The following TTPAL variants were observed in gnomAD, a reference collection of about 807,000 sequenced individuals.
TTPAL encodes alpha-tocopherol transfer protein-like.
Under a neutral mutation model 28.7 loss-of-function variants are expected in TTPAL, and 21 were observed. The ratio of observed to expected loss-of-function variants is 0.73; its 90% CI spans 0.52 to 1.06. The LOEUF (loss-of-function observed/expected upper bound fraction) is 1.06. Among genes scored for constraint, TTPAL ranks in the 50% least tolerant of loss-of-function variants. TTPAL has a pLI of 0.00. For synonymous variants in TTPAL, 169 were observed against 171.9 expected, an observed-to-expected ratio of 0.98 and a Z score of 0.13; for missense variants, 345 against 425.5, an observed-to-expected ratio of 0.81 and a Z score of 1.67.
rs558851708 is a variant in TTPAL, at chr20:44,476,599, G to T, written c.-16+608G>T. On this transcript the variant is annotated intron_variant, in intron 1 of 4. Coordinates refer to ENST00000262605, the MANE Select transcript of TTPAL (RefSeq NM_001039199.3). Reference sequence around the variant, plus strand: ...AAGCCCTCTGCCCTCGTGGAACTTAGATTCTAGGGGACAGTCCTTTTTGTC... The same window carrying T: ...AAGCCCTCTGCCCTCGTGGAACTTATATTCTAGGGGACAGTCCTTTTTGTC... Among the ~76,000 whole-genome samples the T allele has an allele frequency of 6.6e-5, 10 of 152,352 alleles. No individual in the cohort carries two copies. The South Asian group carries it at 1.9e-3, about 28-fold the overall frequency.
At chr20:44,482,921 G>A (rs541088356) in intron 2 of TTPAL, among the ~76,000 whole-genome samples, 9 of 152,108 alleles carry the variant, frequency 5.9e-5, no homozygotes, top group African/African-American at 1.4e-4. Flanking sequence ...GCAGTGGCGC[G>A]ATCTCGGCTC....
chr20:44,484,122 C>A (rs538574837), intron 2 of TTPAL, among the ~76,000 whole-genome samples: 35 of 152,294 alleles, frequency 2.3e-4, no homozygotes, highest in Admixed American at 3.3e-4. Context: ...CCTCAACACT[C>A]AATTGTATTT....
intron 1 of TTPAL, among the ~76,000 whole-genome samples, chr20:44,477,710 A>T (rs1169283362): frequency 6.6e-6 from 1 of 152,172 alleles, no homozygotes; most frequent in South Asian, 2.1e-4. Flanking sequence ...GCTGGAGTGC[A>T]GTGACATGAT....
In TTPAL at chr20:44,490,042, C is replaced by T. The variant is rs949335936; in HGVS notation, c.*501C>T. ...CTAAGTATAGACCTCTGCTGCTCAT[C>T]AGGAAACTTACTGGAGATGAAGGCC... On this transcript the variant is annotated 3_prime_UTR_variant, in exon 5 of 5. Coordinates refer to ENST00000262605, the MANE Select transcript of TTPAL (RefSeq NM_001039199.3). The T allele has an allele frequency of 1.9e-5, 3 of 159,450 alleles. No individual in the cohort carries two copies. The highest frequency in any genetic ancestry group is 2.8e-5 in the Non-Finnish European group (2 of 71,836). The allele number at this position is 159,450 out of a possible 1,614,324, so 9.9% of individuals were successfully genotyped here.
At chr20:44,484,085 G>C (rs776811633) in intron 2 of TTPAL, among the ~76,000 whole-genome samples, 60 of 152,172 alleles carry the variant, frequency 3.9e-4, no homozygotes, top group Non-Finnish European at 6.2e-4. Flanking sequence ...ATGAGCCACT[G>C]TGCCCAGCCA....
At chr20:44,484,576 TC>T in intron 3 of TTPAL, 46 bp downstream of exon 3, 1 of 1,439,624 alleles carries the variant, frequency 6.9e-7, no homozygotes, top group South Asian at 1.4e-5. Flanking sequence ...GCTCTGGCTT[TC>T]CCCAGGGCCT....
chr20:44,477,257 T>C (rs2064052573), intron 1 of TTPAL, among the ~76,000 whole-genome samples: 1 of 152,188 alleles, frequency 6.6e-6, no homozygotes, highest in Non-Finnish European at 1.5e-5. Flanking sequence ...GTTACTTCCA[T>C]AGAAACAAAG....
intron 1 of TTPAL, 22 bp downstream of exon 1, chr20:44,476,013 C>T (rs1482448392): frequency 2.0e-5 from 3 of 152,380 alleles, no homozygotes; most frequent in Non-Finnish European, 4.4e-5. Context: ...CGAGCCCATC[C>T]GTGTGCCCTG....
intron 1 of TTPAL, among the ~76,000 whole-genome samples, chr20:44,476,959 A>G (rs1311337436): frequency 6.6e-6 from 1 of 152,206 alleles, no homozygotes. Flanking sequence ...TCTGTGGAAA[A>G]CTGGAGGGAA....
Position 44,489,598 on chromosome 20 carries a change from C to T in TTPAL, c.*57C>T. 6.5e-7 allele frequency: 1 copy of T among 1,528,888 alleles called. No homozygotes were observed. 94.7% of individuals were successfully genotyped at this position (1,528,888 alleles called of 1,614,324 possible). On this transcript the variant is annotated 3_prime_UTR_variant, in exon 5 of 5. Coordinates refer to ENST00000262605, the MANE Select transcript of TTPAL (RefSeq NM_001039199.3). ...TTTCCTTCTTTTCTTTGGAGAGGCA[C>T]AAGGAGAATTTAAGGGTCCATGGAT...
At chr20:44,488,083 G>A (rs534360969) in intron 4 of TTPAL, among the ~76,000 whole-genome samples, 14 of 152,274 alleles carry the variant, frequency 9.2e-5, no homozygotes, top group African/African-American at 3.4e-4. Flanking sequence ...CTTTTTCAAA[G>A]TAACATATAT....
chr20:44,489,255 C>G lies in TTPAL; in HGVS notation c.751-8C>G, dbSNP rs1482196129. ...GGACATGTGTGTTTTCATTTCATTC[C>G]CTTTTAGTTCTTCCTCCATGGGTCT... On this transcript the variant is annotated splice_polypyrimidine_tract_variant and splice_region_variant and intron_variant, in intron 4 of 4. Transcript: ENST00000262605. 3 of 1,607,502 alleles carry G rather than the reference C, an allele frequency of 1.9e-6. No homozygotes were observed. Among genetic ancestry groups the G allele is most frequent in the Non-Finnish European group, 2.6e-6 (3 of 1,174,874 alleles).
At position 44,480,086 on chromosome 20, in the gene TTPAL, G is replaced by A. The variant is rs758749980; in HGVS notation, c.87G>A (p.Pro29=). 8.7e-6 allele frequency: 14 copies of A among 1,614,152 alleles called. 1 individual carries two copies. The highest frequency in any genetic ancestry group is 3.3e-5 in the South Asian group (3 of 91,088). ...ENELPPPPEP[P]GYVCSLTEDL... ...AGCTGCCACCACCACCTGAGCCTCC[G>A]GGCTATGTGTGCTCACTGACAGAAG... Residue 29 remains proline (P), a synonymous_variant, in exon 2 of 5, where the codon CCG becomes CCA. Transcript: ENST00000262605. This position sits in a 1 kb window ranked among gnomAD's most constrained non-coding sequence, Gnocchi z 4.1.
chr20:44,488,028 G>A (rs973608398), intron 4 of TTPAL, among the ~76,000 whole-genome samples: 2 of 152,096 alleles, frequency 1.3e-5, no homozygotes, highest in Non-Finnish European at 2.9e-5. Context: ...CTTGGCCTCC[G>A]AAAGTGCTGG....
rs2064208476 is a variant in TTPAL at position 44,491,783 on chromosome 20, T to G, written c.*2242T>G. 6.6e-6 allele frequency: 1 copy of G among 152,292 alleles called. No individual in the cohort carries two copies. Among genetic ancestry groups the G allele is most frequent in the South Asian group, 2.1e-4 (1 of 4,822 alleles). The allele number at this position is 152,292 out of a possible 1,614,324, so 9.4% of individuals were successfully genotyped here. On this transcript the variant is annotated 3_prime_UTR_variant, in exon 5 of 5. Coordinates refer to ENST00000262605, the MANE Select transcript of TTPAL (RefSeq NM_001039199.3). ...CACTGGCCTGGATGGGAGAACTGGGTGGAGGCTTCCCCAAGAGGGAAGACA... is the reference window on the plus strand; with the variant it reads ...CACTGGCCTGGATGGGAGAACTGGGGGGAGGCTTCCCCAAGAGGGAAGACA...
At chr20:44,484,025 T>C (rs938730789) in intron 2 of TTPAL, among the ~76,000 whole-genome samples, 7 of 152,230 alleles carry the variant, frequency 4.6e-5, no homozygotes, top group African/African-American at 1.7e-4. Flanking sequence ...TTCCTGGGCT[T>C]ATGCTTAATT....
chr20:44,484,120 C>T (rs569794104), intron 2 of TTPAL, among the ~76,000 whole-genome samples: 7 of 152,314 alleles, frequency 4.6e-5, no homozygotes, highest in African/African-American at 1.7e-4. Context: ...AACCTCAACA[C>T]TCAATTGTAT....
At chr20:44,481,422 C>T (rs950821639) in intron 2 of TTPAL, among the ~76,000 whole-genome samples, 1 of 152,126 alleles carries the variant, frequency 6.6e-6, no homozygotes, top group African/African-American at 2.4e-5. Context: ...AGCATTTCAA[C>T]ACAATGACCA....
In TTPAL at chr20:44,493,899, GT is replaced by G. The variant is rs2064230400; in HGVS notation, c.*4359del. On this transcript the variant is annotated 3_prime_UTR_variant, in exon 5 of 5. Coordinates refer to ENST00000262605, the MANE Select transcript of TTPAL (RefSeq NM_001039199.3). ...TAAAAAGTACAAAAATTAGCTGGGT[GT>G]GGTGGTGCGTGCCTGTAATCCCAAC... is the stretch of plus-strand genomic sequence containing the variant. 1 of 152,244 alleles carries G rather than the reference GT, an allele frequency of 6.6e-6. No homozygotes were observed. 9.4% of individuals were successfully genotyped at this position (152,244 alleles called of 1,614,324 possible). A position where few individuals can be genotyped will look rare whatever the true frequency, so the allele number is the denominator to read the frequency against.
Sources: allele counts gnomAD v4.1 joint callset (sites outside exome capture counted in the v4.1 genomes callset), GRCh38; gene constraint gnomAD v4.1.1; non-coding constraint Gnocchi (gnomAD v3.1); transcripts MANE v1.5; gene names NCBI Gene and HGNC (gene_info 2026-07-23, HGNC 2026-07-21).